The following LARGE1 variants were observed in gnomAD, a reference collection of about 807,000 sequenced individuals.
The protein encoded by LARGE1 is xylosyl- and glucuronyltransferase LARGE1.
LARGE1 carries 43 observed loss-of-function variants against 87.6 expected under a neutral mutation model. The ratio of observed to expected loss-of-function variants is 0.49; its 90% confidence interval spans 0.38 to 0.63. LARGE1 has a LOEUF of 0.63. LARGE1 is among the 30% of genes least tolerant of loss of function. The pLI, the probability that LARGE1 is intolerant of heterozygous loss-of-function variation, is 0.00. For missense variants in LARGE1, 802 were observed against 1,000.2 expected (o/e 0.80, Z 2.67); for synonymous variants, 434 against 394.6 (o/e 1.10, Z -1.18).
chr22:33,155,693 G>T, the LARGE1 span, among the ~76,000 whole-genome samples: 1 of 152,176 alleles, frequency 6.6e-6, no homozygotes, highest in Non-Finnish European at 1.5e-5. Context: ...GAAATTCAAG[G>T]AGGCTGCAGA....
intron 11 of LARGE1, among the ~76,000 whole-genome samples, chr22:33,210,838 C>A (rs562634979): frequency 6.6e-6 from 1 of 152,252 alleles, no homozygotes; most frequent in South Asian, 2.1e-4. Flanking sequence ...GATGCCTCTG[C>A]GGCTCCCCCA....
At chr22:33,864,637 T>C (rs568156321) in intron 1 of LARGE1, among the ~76,000 whole-genome samples, 2 of 152,254 alleles carry the variant, frequency 1.3e-5, no homozygotes, top group South Asian at 4.1e-4. Context: ...ACTCAAATGC[T>C]GGACTGATGG....
chr22:33,690,275 T>A (rs747911789), intron 2 of LARGE1, among the ~76,000 whole-genome samples: 5 of 152,128 alleles, frequency 3.3e-5, no homozygotes, highest in African/African-American at 4.8e-5. Context: ...AGAAAGCTGG[T>A]TAATGTTCTT....
intron 1 of LARGE1, among the ~76,000 whole-genome samples, chr22:33,790,990 A>G (rs2085804585): frequency 6.6e-6 from 1 of 152,248 alleles, no homozygotes; most frequent in Admixed American, 6.5e-5. Flanking sequence ...TACCAAAAAC[A>G]ACGGCAGTAA....
chr22:33,277,167 C>T lies in LARGE1; in HGVS notation c.1966G>A (p.Asp656Asn), dbSNP rs747883942. 23 of 1,614,254 alleles carry T rather than the reference C, an allele frequency of 1.4e-5. No individual in the cohort carries two copies. Among genetic ancestry groups the T allele is most frequent in the Middle Eastern group, 1.6e-4 (1 of 6,062 alleles). ...TTPYRVEWEA[D>N]FEPYVVVRRD... Reference sequence around the variant, plus strand: ...CTCACAACAACATACGGCTCAAAATCGGCCTCCCACTCAACCCGGTAAGGC... The same window carrying T: ...CTCACAACAACATACGGCTCAAAATTGGCCTCCCACTCAACCCGGTAAGGC... The change falls in exon 14 of 15, where the codon GAT becomes AAT. Residue 656 changes from aspartate (D) to asparagine (N), a missense_variant. Around this residue, in one of 2 missense-constraint regions of LARGE1, gnomAD observed 625 missense variants for 841.9 expected, o/e 0.74. Transcript: ENST00000397394.
chr22:33,615,671 CAAAAA>C (rs3072281), intron 4 of LARGE1, among the ~76,000 whole-genome samples: 1 of 134,570 alleles, frequency 7.4e-6, no homozygotes, highest in African/African-American at 2.7e-5. Context: ...TAAGGAAAAA[CAAAAA>C]AAAAAAAAAA....
intron 1 of LARGE1, among the ~76,000 whole-genome samples, chr22:33,874,725 C>T (rs912216827): frequency 1.3e-5 from 2 of 152,304 alleles, no homozygotes; most frequent in Admixed American, 6.5e-5. Flanking sequence ...AGGCCAGTAA[C>T]TTAGCCTGTC....
intron 6 of LARGE1, among the ~76,000 whole-genome samples, chr22:33,480,537 C>T (rs533541520): frequency 2.0e-5 from 3 of 152,240 alleles, no homozygotes; most frequent in Non-Finnish European, 4.4e-5. Context: ...TAGAGGAGAA[C>T]CAGGCCCTGC....
At chr22:33,883,022 G>A (rs2064742625) in intron 1 of LARGE1, among the ~76,000 whole-genome samples, 1 of 152,164 alleles carries the variant, frequency 6.6e-6, no homozygotes, top group African/African-American at 2.4e-5. Flanking sequence ...TTGGGCCCTG[G>A]ATTGCAAATA....
chr22:33,279,189 C>T lies in LARGE1; in HGVS notation c.1878-1934G>A, dbSNP rs183283644. Among the ~76,000 whole-genome samples, 202 of 152,086 alleles carry T rather than the reference C, an allele frequency of 1.3e-3. 1 individual carries two copies. The highest frequency in any genetic ancestry group is 3.9e-3 in the African/African-American group (162 of 41,490). On this transcript the variant is annotated intron_variant, in intron 13 of 14. Coordinates refer to ENST00000397394, the MANE Select transcript of LARGE1 (RefSeq NM_133642.5). ...TATGCCTCTAGAAGCTACAGAGAGA[C>T]GGCAGGAAGCTGGGCATCTAGTGAA...
intron 1 of LARGE1, among the ~76,000 whole-genome samples, chr22:33,895,725 T>TAC (rs1367253841): frequency 4.6e-5 from 7 of 152,310 alleles, no homozygotes; most frequent in Admixed American, 4.6e-4. Flanking sequence ...GCAAGTTTGC[T>TAC]ATGAAGATGG....
chr22:33,476,248 C>T (rs769724497), intron 6 of LARGE1, among the ~76,000 whole-genome samples: 53 of 152,192 alleles, frequency 3.5e-4, no homozygotes, highest in Admixed American at 4.6e-4. Flanking sequence ...GCTTCCTCTG[C>T]CCTATTTATG....
At chr22:33,561,433 C>T (rs1271037854) in intron 6 of LARGE1, among the ~76,000 whole-genome samples, 1 of 152,132 alleles carries the variant, frequency 6.6e-6, no homozygotes, top group Admixed American at 6.5e-5. Flanking sequence ...ATAAGTTTCC[C>T]ATGTGAGGGA....
intron 10 of LARGE1, among the ~76,000 whole-genome samples, 182 bp downstream of exon 10, chr22:33,337,464 A>G (rs545584167): frequency 6.6e-6 from 1 of 152,098 alleles, no homozygotes; most frequent in Admixed American, 6.5e-5. Flanking sequence ...CACAATGATG[A>G]GCATGCAAAG....
At chr22:33,172,627 C>G (rs1028144032) in intron 11 of LARGE1, among the ~76,000 whole-genome samples, 1 of 152,072 alleles carries the variant, frequency 6.6e-6, no homozygotes, top group Non-Finnish European at 1.5e-5. Flanking sequence ...TCTAATTACT[C>G]TAGTATATTT....
intron 6 of LARGE1, among the ~76,000 whole-genome samples, chr22:33,501,161 T>C (rs974035254): frequency 6.6e-6 from 1 of 152,152 alleles, no homozygotes; most frequent in African/African-American, 2.4e-5. Flanking sequence ...TAAAGAGTCA[T>C]ACTCAGAAGG....
intron 1 of LARGE1, among the ~76,000 whole-genome samples, chr22:33,904,008 A>G (rs2065361971): frequency 6.6e-6 from 1 of 152,060 alleles, no homozygotes; most frequent in South Asian, 2.1e-4. Flanking sequence ...TCTCTTTTGT[A>G]TGACTTCTAG....
the LARGE1 span, among the ~76,000 whole-genome samples, chr22:33,098,380 G>A: frequency 7.9e-5 from 12 of 152,204 alleles, no homozygotes; most frequent in Non-Finnish European, 1.6e-4. Flanking sequence ...AGCACTTTGG[G>A]AGGCTGAGGC....
At chr22:33,225,620 G>A (rs752931806) in intron 11 of LARGE1, among the ~76,000 whole-genome samples, 1 of 151,788 alleles carries the variant, frequency 6.6e-6, no homozygotes, top group Non-Finnish European at 1.5e-5. Flanking sequence ...TGTTATACAG[G>A]TAAACTTGTG....
Sources: gnomAD v4.1 joint callset for allele counts (sites outside exome capture counted in the v4.1 genomes callset) on GRCh38, gnomAD v4.1.1 for gene constraint, gnomAD v4.1.1 regional missense constraint, MANE v1.5 for transcripts, NCBI Gene and HGNC (gene_info 2026-07-23, HGNC 2026-07-21) for gene names.